VPS13B: variants seen among roughly 807,000 people sequenced by gnomAD.
The protein encoded by VPS13B is intermembrane lipid transfer protein VPS13B.
In VPS13B, 285 loss-of-function variants were observed where a neutral mutation model predicts 426.4. The observed-to-expected ratio is 0.67, with a 90% CI of 0.61 to 0.74. The LOEUF (loss-of-function observed/expected upper bound fraction) is 0.74, where lower values mean the gene tolerates loss of function less well. VPS13B is among the 30% of genes least tolerant of loss of function. VPS13B has a pLI of 0.00. For synonymous variants in VPS13B, 1,676 were observed against 1,676.4 expected, an observed-to-expected ratio of 1.00 and a Z score of 0.01; for missense variants, 4,537 against 4,782.6, an observed-to-expected ratio of 0.95 and a Z score of 1.51.
intron 33 of VPS13B, among the ~76,000 whole-genome samples, chr8:99,609,013 T>C (rs925042367): frequency 1.3e-5 from 2 of 152,142 alleles, no homozygotes; most frequent in African/African-American, 4.8e-5. Context: ...TCATTTGCCG[T>C]AGGAATATAC....
intron 33 of VPS13B, among the ~76,000 whole-genome samples, chr8:99,596,942 G>T (rs1827050370): frequency 6.6e-6 from 1 of 152,018 alleles, no homozygotes; most frequent in South Asian, 2.1e-4. Flanking sequence ...AGGCAGTCAT[G>T]ATATTCCTCA....
intron 22 of VPS13B, among the ~76,000 whole-genome samples, chr8:99,439,514 CTTTA>C (rs1037797756): frequency 3.9e-5 from 6 of 151,908 alleles, no homozygotes; most frequent in Admixed American, 3.9e-4. Flanking sequence ...TACAATGTTC[CTTTA>C]TTTTTGTTTT....
chr8:99,539,219 T>C (rs1251748918), intron 30 of VPS13B, among the ~76,000 whole-genome samples: 1 of 152,190 alleles, frequency 6.6e-6, no homozygotes, highest in Non-Finnish European at 1.5e-5. Context: ...TTGTAAATAA[T>C]TGGCCTTTAA....
Position 99,854,084 on chromosome 8 carries a change from C to T in VPS13B, c.10695C>T (p.Ile3565=). The change falls in exon 56 of 62, where the codon ATC becomes ATT. Residue 3565 remains isoleucine, a synonymous_variant. Coordinates refer to ENST00000357162, the MANE Select transcript of VPS13B (RefSeq NM_152564.5). Reference sequence around the variant, plus strand: ...CTGTGAAGTTACGGAAACTGGTGATCCAGCCAGTAAATTTGCTCGTCAGCA... The same window carrying T: ...CTGTGAAGTTACGGAAACTGGTGATTCAGCCAGTAAATTTGCTCGTCAGCA... ...VNPVKLRKLV[I]QPVNLLVSIH... 6.2e-7 allele frequency: 1 copy of T among 1,613,186 alleles called. No individual in the cohort carries two copies. Among genetic ancestry groups the T allele is most frequent in the Non-Finnish European group, 8.5e-7 (1 of 1,179,314 alleles).
At chr8:99,859,524 T>C (rs758354257) in intron 57 of VPS13B, 44 bp downstream of exon 57, 178 of 231,732 alleles carry the variant, frequency 7.7e-4, no homozygotes, top group Middle Eastern at 2.0e-3. Flanking sequence ...ACTCCTTCCC[T>C]TTTTTTTTTT....
In VPS13B at chr8:99,147,133, A is replaced by G. The variant is rs1167972218; in HGVS notation, c.1844-708A>G. Among the ~76,000 whole-genome samples the G allele has an allele frequency of 2.0e-5, 3 of 152,070 alleles. No homozygotes were observed. In the East Asian group the frequency reaches 5.8e-4, roughly 29 times the overall value. On this transcript the variant is annotated intron_variant, in intron 13 of 61. Transcript: ENST00000357162. ...AGTCTTATTTATTTATTTATTTAAG[A>G]TGTAGTCTCGCTTTGTTGCCCAGGC...
At chr8:99,573,031 T>A (rs1013857375) in intron 31 of VPS13B, among the ~76,000 whole-genome samples, 2 of 152,186 alleles carry the variant, frequency 1.3e-5, no homozygotes, top group Non-Finnish European at 2.9e-5. Context: ...TGTGGTTTTG[T>A]TTTGCATTTC....
chr8:99,416,744 G>C (rs572524214), intron 21 of VPS13B, among the ~76,000 whole-genome samples: 1 of 152,212 alleles, frequency 6.6e-6, no homozygotes, highest in African/African-American at 2.4e-5. Context: ...TCCCTGGGCT[G>C]CATCCACTGC....
At chr8:99,518,065 A>G (rs1013550557) in intron 29 of VPS13B, among the ~76,000 whole-genome samples, 1 of 152,106 alleles carries the variant, frequency 6.6e-6, no homozygotes, top group African/African-American at 2.4e-5. Context: ...TAATCTACTG[A>G]GAACACTTTT....
chr8:99,215,381 A>G (rs1375865859), intron 17 of VPS13B, among the ~76,000 whole-genome samples: 5 of 152,192 alleles, frequency 3.3e-5, no homozygotes, highest in Non-Finnish European at 5.9e-5. Context: ...AAAATTGTTA[A>G]AATAGAATTT....
At chr8:99,061,297 T>C (rs1325892354) in intron 3 of VPS13B, among the ~76,000 whole-genome samples, 2 of 11,266 alleles carry the variant, frequency 1.8e-4, no homozygotes, top group African/African-American at 5.6e-4. Context: ...GCTAATTTTC[T>C]TTTTTTTTTT....
At chr8:99,817,957 C>T (rs1305691575) in intron 45 of VPS13B, among the ~76,000 whole-genome samples, 154 bp downstream of exon 45, 1 of 152,116 alleles carries the variant, frequency 6.6e-6, no homozygotes, top group Non-Finnish European at 1.5e-5. Flanking sequence ...CTGTTTCCTC[C>T]CCATCCCACG....
chr8:99,136,595 C>T (rs1242249476), intron 11 of VPS13B, 70 bp from the exon 12 acceptor site: 1 of 1,456,646 alleles, frequency 6.9e-7, no homozygotes, highest in African/African-American at 1.4e-5. Flanking sequence ...ATGTGTCTAA[C>T]CTATCAAGCT....
intron 17 of VPS13B, among the ~76,000 whole-genome samples, chr8:99,236,788 A>G (rs1563618957): frequency 1.3e-5 from 2 of 152,228 alleles, no homozygotes; most frequent in Non-Finnish European, 2.9e-5. Flanking sequence ...AAAAAGAGGC[A>G]TTGCTCACGT....
intron 35 of VPS13B, among the ~76,000 whole-genome samples, chr8:99,662,231 T>TA (rs1830257588): frequency 6.6e-6 from 1 of 152,124 alleles, no homozygotes; most frequent in African/African-American, 2.4e-5. Flanking sequence ...TTTTCTTTAT[T>TA]CCTCGATCTT....
At chr8:99,338,169 G>C (rs1038616042) in intron 19 of VPS13B, among the ~76,000 whole-genome samples, 1 of 152,008 alleles carries the variant, frequency 6.6e-6, no homozygotes, top group African/African-American at 2.4e-5. Flanking sequence ...ATTATATAAA[G>C]TACTATGTGT....
intron 39 of VPS13B, among the ~76,000 whole-genome samples, chr8:99,741,702 A>T (rs1809733152): frequency 6.6e-6 from 1 of 152,222 alleles, no homozygotes; most frequent in Admixed American, 6.5e-5. Context: ...ATGGAAAGTG[A>T]ACAACCTGCT....
rs1203586505 is a variant in VPS13B, at chr8:99,835,561, T to C, written c.9765T>C (p.Tyr3255=). Residue 3255 remains tyrosine (Y), a synonymous_variant, in exon 54 of 62, where the codon TAT becomes TAC. Transcript: ENST00000357162. ...CAGATATTCCAAAGTTTGAGGTTTA[T>C]TGCAAAAAAATTCCCTCCGAGTGCT... ...NIKDIPKFEV[Y]CKKIPSECSI... is the part of the protein sequence containing the mutation. 6.2e-7 allele frequency: 1 copy of C among 1,614,192 alleles called. No homozygotes were observed. Among genetic ancestry groups the C allele is most frequent in the South Asian group, 1.1e-5 (1 of 91,080 alleles).
chr8:99,298,990 G>A (rs1820194391), intron 19 of VPS13B, among the ~76,000 whole-genome samples: 2 of 150,336 alleles, frequency 1.3e-5, no homozygotes, highest in East Asian at 2.0e-4. Flanking sequence ...AGAGTTAGAT[G>A]TGATCTGGAG....
Sources: allele counts gnomAD v4.1 joint callset (sites outside exome capture counted in the v4.1 genomes callset), GRCh38; gene constraint gnomAD v4.1.1; transcripts MANE v1.5; gene names NCBI Gene and HGNC (gene_info 2026-07-23, HGNC 2026-07-21).